The following LDLRAD4 variants were observed in gnomAD, a reference collection of about 807,000 sequenced individuals.
LDLRAD4 encodes the protein low-density lipoprotein receptor class A domain-containing protein 4.
A neutral mutation model predicts 17.0 loss-of-function variants in LDLRAD4; 5 were observed. That is an observed-to-expected ratio of 0.29 (90% CI 0.15 to 0.62). The LOEUF is 0.62. Among genes scored for constraint, LDLRAD4 ranks in the 20% least tolerant of loss-of-function variants. LDLRAD4 has a pLI of 0.84. For synonymous variants in LDLRAD4, 168 were observed against 171.8 expected, an observed-to-expected ratio of 0.98 and a Z score of 0.17; for missense variants, 340 against 424.7, an observed-to-expected ratio of 0.80 and a Z score of 1.75.
At chr18:13,536,770 A>C (rs2094206289) in intron 3 of LDLRAD4, among the ~76,000 whole-genome samples, 1 of 152,188 alleles carries the variant, frequency 6.6e-6, no homozygotes, top group Admixed American at 6.5e-5. Flanking sequence ...TTTTGTAGGT[A>C]CTTTTAATCA....
In LDLRAD4 at chr18:13,435,892, A is replaced by G. The variant is rs143870365; in HGVS notation, c.41-2352A>G. Among the ~76,000 whole-genome samples, 260 of 152,380 alleles carry G rather than the reference A, an allele frequency of 1.7e-3. 1 individual carries two copies. The highest frequency in any genetic ancestry group is 6.1e-3 in the African/African-American group (253 of 41,584). On this transcript the variant is annotated intron_variant, in intron 2 of 5. Coordinates refer to ENST00000359446, the Ensembl canonical transcript of LDLRAD4. ...AGTGATTTGGGGAACTTTGTTATGCATGGGGCCATGCCCATTACAAGTGAG... is the reference window on the plus strand; with the variant it reads ...AGTGATTTGGGGAACTTTGTTATGCGTGGGGCCATGCCCATTACAAGTGAG...
At chr18:13,364,253 A>G (rs999501314) in intron 1 of LDLRAD4, among the ~76,000 whole-genome samples, 2 of 152,186 alleles carry the variant, frequency 1.3e-5, no homozygotes, top group African/African-American at 4.8e-5. Flanking sequence ...TAATTTACTT[A>G]TCTGTATTTT....
intron 1 of LDLRAD4, among the ~76,000 whole-genome samples, chr18:13,288,290 C>G (rs1254693894): frequency 6.6e-6 from 1 of 152,198 alleles, no homozygotes; most frequent in Non-Finnish European, 1.5e-5. Flanking sequence ...TTTTAGCCAC[C>G]TTCCATTAGC....
At chr18:13,285,365 G>A (rs1367054117) in intron 1 of LDLRAD4, among the ~76,000 whole-genome samples, 1 of 152,182 alleles carries the variant, frequency 6.6e-6, no homozygotes, top group Non-Finnish European at 1.5e-5. Context: ...TGGTCAGATT[G>A]GAGGTGTCAT....
intron 1 of LDLRAD4, among the ~76,000 whole-genome samples, chr18:13,229,166 T>C (rs1047893147): frequency 2.0e-5 from 3 of 152,226 alleles, no homozygotes; most frequent in Middle Eastern, 3.4e-3. Flanking sequence ...TGCCACGGGG[T>C]GACTGCATCA....
rs71174166 is a variant in LDLRAD4, at chr18:13,226,180, C to CTTTTTTTTTTTTTTTTTTTTTTTTT, written c.-467+7213_-467+7214insTTTTTTTTTTTTTTTTTTTTTTTTT. Among the ~76,000 whole-genome samples the CTTTTTTTTTTTTTTTTTTTTTTTTT allele has an allele frequency of 3.8e-4, 20 of 52,208 alleles. 6 individuals are homozygous for CTTTTTTTTTTTTTTTTTTTTTTTTT. Among genetic ancestry groups the CTTTTTTTTTTTTTTTTTTTTTTTTT allele is most frequent in the African/African-American group, 8.6e-4 (11 of 12,850 alleles). 34.3% of individuals were successfully genotyped at this position (52,208 alleles called of 152,430 possible). On this transcript the variant is annotated intron_variant, in intron 1 of 5. Transcript: ENST00000399848. ...GGACTACAGATGCTGCCATGCCTTGCTTTTTTTTTTTTTTTTTTTTTGTAG... is the reference window on the plus strand; with the variant it reads ...GGACTACAGATGCTGCCATGCCTTGCTTTTTTTTTTTTTTTTTTTTTTTTTTTTTTTTTTTTTTTTTTTTTTGTAG...
intron 1 of LDLRAD4, among the ~76,000 whole-genome samples, chr18:13,317,083 G>A (rs569433522): frequency 2.0e-5 from 3 of 152,198 alleles, no homozygotes; most frequent in South Asian, 2.1e-4. Context: ...AAGGATGCCC[G>A]GTGCACACAC....
chr18:13,403,901 T>G (rs1599980294), intron 2 of LDLRAD4, among the ~76,000 whole-genome samples: 1 of 152,152 alleles, frequency 6.6e-6, no homozygotes, highest in South Asian at 2.1e-4. Flanking sequence ...GGACGATGTT[T>G]GGGTGGAAGA....
At chr18:13,301,476 G>A (rs574796919) in intron 1 of LDLRAD4, among the ~76,000 whole-genome samples, 111 of 152,210 alleles carry the variant, frequency 7.3e-4, no homozygotes, top group Non-Finnish European at 1.4e-3. Flanking sequence ...CTCTGGCTCT[G>A]CATTCTAAAA....
At chr18:13,354,410 G>T (rs1205567239) in intron 1 of LDLRAD4, among the ~76,000 whole-genome samples, 1 of 152,192 alleles carries the variant, frequency 6.6e-6, no homozygotes, top group East Asian at 1.9e-4. Context: ...GGGACCAACA[G>T]CATGAAATGG....
intron 1 of LDLRAD4, among the ~76,000 whole-genome samples, chr18:13,357,005 G>A (rs556992008): frequency 3.3e-5 from 5 of 152,132 alleles, no homozygotes; most frequent in South Asian, 2.1e-4. Flanking sequence ...GTGGTGGTGC[G>A]CACCTGTAAT....
chr18:13,458,160 C>T (rs1031676545), intron 3 of LDLRAD4, among the ~76,000 whole-genome samples: 10 of 152,092 alleles, frequency 6.6e-5, no homozygotes, highest in Admixed American at 2.0e-4. Flanking sequence ...TGGGGAAGCA[C>T]GGATGAGGAG....
intron 1 of LDLRAD4, among the ~76,000 whole-genome samples, chr18:13,332,716 T>C (rs2081926798): frequency 6.6e-6 from 1 of 151,314 alleles, no homozygotes; most frequent in Admixed American, 6.6e-5. Context: ...TCCTATGCCT[T>C]TTTGTGGCTT....
intron 3 of LDLRAD4, among the ~76,000 whole-genome samples, chr18:13,506,242 T>G (rs2093691395): frequency 6.6e-6 from 1 of 151,996 alleles, no homozygotes; most frequent in Non-Finnish European, 1.5e-5. Flanking sequence ...TTATTATACT[T>G]TAAGTTCTAG....
chr18:13,604,354 A>G (rs1300427799), intron 3 of LDLRAD4, among the ~76,000 whole-genome samples: 1 of 152,228 alleles, frequency 6.6e-6, no homozygotes, highest in Non-Finnish European at 1.5e-5. Context: ...AGCTATGGGA[A>G]TAACGGCCCC....
exon 2 of LDLRAD4, chr18:13,387,550 G>T (rs1430886870): frequency 3.3e-6 from 2 of 610,546 alleles, no homozygotes; most frequent in Non-Finnish European, 5.8e-6. Flanking sequence ...CCACACCCAG[G>T]TACCGCCCGC....
intron 3 of LDLRAD4, chr18:13,491,641 A>T (rs2093360402): frequency 6.6e-6 from 1 of 152,218 alleles, no homozygotes; most frequent in Non-Finnish European, 1.5e-5. Flanking sequence ...ATTTTATAGC[A>T]AAAAAAGAAG....
intron 3 of LDLRAD4, among the ~76,000 whole-genome samples, chr18:13,459,346 G>T (rs2092312585): frequency 6.9e-6 from 1 of 144,984 alleles, no homozygotes; most frequent in African/African-American, 2.6e-5. Context: ...GAAAAAGAAA[G>T]AAAAATTAAA....
chr18:13,234,518 T>A (rs1402185196), intron 1 of LDLRAD4, among the ~76,000 whole-genome samples: 2 of 149,556 alleles, frequency 1.3e-5, no homozygotes, highest in Non-Finnish European at 3.0e-5. Context: ...CAGGGGAGGA[T>A]GGTGGGCAGG....
Sources: gnomAD v4.1 joint callset for allele counts (sites outside exome capture counted in the v4.1 genomes callset) on GRCh38, gnomAD v4.1.1 for gene constraint, MANE v1.5 for transcripts, NCBI Gene and HGNC (gene_info 2026-07-23, HGNC 2026-07-21) for gene names.